Variants in AKAP9 observed in about 807,000 individuals in gnomAD.
AKAP9 encodes A-kinase anchor protein 9.
Under a neutral mutation model 488.5 loss-of-function variants are expected in AKAP9, and 311 were observed. The observed-to-expected ratio is 0.64, with a 90% CI of 0.58 to 0.70. The LOEUF (loss-of-function observed/expected upper bound fraction) is 0.70. Ranked by LOEUF, AKAP9 falls within the 30% of genes least tolerant of loss-of-function variation. The pLI, the probability that AKAP9 is intolerant of heterozygous loss-of-function variation, is 0.00. For synonymous variants in AKAP9, 1,462 were observed against 1,483.5 expected, an observed-to-expected ratio of 0.99 and a Z score of 0.33; for missense variants, 4,215 against 4,374.5, an observed-to-expected ratio of 0.96 and a Z score of 1.03.
intron 3 of AKAP9, among the ~76,000 whole-genome samples, chr7:91,987,065 T>C (rs1362145271): frequency 6.6e-6 from 1 of 152,082 alleles, no homozygotes; most frequent in Non-Finnish European, 1.5e-5. Flanking sequence ...AAAACTAAAT[T>C]GATGAGCTAT....
Position 92,058,545 on chromosome 7 carries a change from G to A in AKAP9, c.5602-2715G>A, listed in dbSNP as rs565835057. On this transcript the variant is annotated intron_variant, in intron 22 of 49. Transcript: ENST00000356239. Reference sequence around the variant, plus strand: ...ACTCATTCATTCTAGATGTATTTAAGGGCTAAATTTGGTCTGAGTTCCAAC... The same window carrying A: ...ACTCATTCATTCTAGATGTATTTAAAGGCTAAATTTGGTCTGAGTTCCAAC... 85 of 245,746 alleles carry A rather than the reference G, an allele frequency of 3.5e-4. 1 individual carries two copies. The South Asian group carries it at 4.0e-3, about 12-fold the overall frequency. The allele number at this position is 245,746 out of a possible 1,614,324, so 15.2% of individuals were successfully genotyped here.
chr7:92,033,446 T>C (rs925860087), intron 16 of AKAP9, among the ~76,000 whole-genome samples: 195 of 144,428 alleles, frequency 1.4e-3, no homozygotes, highest in African/African-American at 4.5e-3. Context: ...TCTTTTCTTT[T>C]TTTTTTTTTT....
chr7:92,082,021 T>A (rs1813669404), intron 31 of AKAP9, among the ~76,000 whole-genome samples: 1 of 152,118 alleles, frequency 6.6e-6, no homozygotes, highest in African/African-American at 2.4e-5. Context: ...GGCTGAAGTT[T>A]AGTGGCGCAG....
At position 92,074,718 on chromosome 7, in the gene AKAP9, C is replaced by T. The variant is rs181769393; in HGVS notation, c.6613-2137C>T. Among the ~76,000 whole-genome samples, 34 of 152,204 alleles carry T rather than the reference C, an allele frequency of 2.2e-4. No homozygotes were observed. In the East Asian group the frequency reaches 5.6e-3, roughly 25 times the overall value. ...TGAGTTCATGTCCTTTGCAGGGACA[C>T]GGATGAAGCTGGAAACCATCATTCT... On this transcript the variant is annotated intron_variant, in intron 28 of 49. Transcript: ENST00000356239.
Position 92,095,091 on chromosome 7 carries a change from A to T in AKAP9, c.9647A>T (p.Lys3216Ile). Residue 3216 changes from lysine (K) to isoleucine (I), a missense_variant, in exon 40 of 50, where the codon AAA becomes ATA. By Grantham distance (102) the Lys-to-Ile change is moderately radical. Transcript: ENST00000356239. The part of the protein sequence containing the change: ...LNDTLASEQK[K>I]SRELQWALEK... ...GACACATTAGCAAGTGAACAGAAAA[A>T]ATCAAGAGAGCTCCAGTGGGCTTTG... 6.2e-7 allele frequency: 1 copy of T among 1,614,204 alleles called. No individual in the cohort carries two copies. The highest frequency in any genetic ancestry group is 8.5e-7 in the Non-Finnish European group (1 of 1,180,032).
At chr7:91,976,324 T>A (rs1562923045) in intron 2 of AKAP9, among the ~76,000 whole-genome samples, 2 of 152,158 alleles carry the variant, frequency 1.3e-5, no homozygotes, top group Non-Finnish European at 2.9e-5. Context: ...CAGACTTCAG[T>A]GATCCTCCCA....
rs377762489 is a variant in AKAP9, at chr7:91,950,873, C to G, written c.48+9726C>G. 1.1e-4 allele frequency among the ~76,000 whole-genome samples: 17 copies of G among 152,202 alleles called. No individual in the cohort carries two copies. The South Asian group carries it at 3.3e-3, about 30-fold the overall frequency. ...GTTTTGGCTGAAAGTTACAGAAACTCTTTTCTATTCATATACAACTTAAAA... is the reference window on the plus strand; with the variant it reads ...GTTTTGGCTGAAAGTTACAGAAACTGTTTTCTATTCATATACAACTTAAAA... On this transcript the variant is annotated intron_variant, in intron 1 of 49. Transcript: ENST00000356239.
intron 3 of AKAP9, 27 bp from the exon 4 acceptor site, chr7:91,992,131 A>G: frequency 6.4e-7 from 1 of 1,555,010 alleles, no homozygotes; most frequent in Non-Finnish European, 8.9e-7. Flanking sequence ...TAAGATCATA[A>G]TATATCAGGA....
Position 92,016,115 on chromosome 7 carries a change from TTTG to T in AKAP9, c.3613-8_3613-6del, listed in dbSNP as rs1801477848. On this transcript the variant is annotated splice_polypyrimidine_tract_variant and intron_variant, in intron 10 of 49. Transcript: ENST00000356239. ...ATTTAAATTCCTTAAAATACACAATTTTGTTGTTAACAGACTTTATGCAGTGTC... is the reference window on the plus strand; with the variant it reads ...ATTTAAATTCCTTAAAATACACAATTTTGTTAACAGACTTTATGCAGTGTC... The T allele has an allele frequency of 6.3e-7, 1 of 1,592,272 alleles. No individual in the cohort carries two copies.
chr7:91,969,996 ACTGT>A (rs1419819455), intron 1 of AKAP9, among the ~76,000 whole-genome samples: 2 of 151,394 alleles, frequency 1.3e-5, no homozygotes, highest in African/African-American at 2.4e-5. Context: ...TTCCTTTCTT[ACTGT>A]CTTTCTTTGA....
At chr7:91,979,129 C>T (rs1267174477) in intron 2 of AKAP9, among the ~76,000 whole-genome samples, 2 of 151,828 alleles carry the variant, frequency 1.3e-5, no homozygotes, top group African/African-American at 2.4e-5. Flanking sequence ...TAAAGAGGTA[C>T]GGTAGTTCCT....
chr7:92,015,950 C>T (rs976114118), intron 10 of AKAP9, among the ~76,000 whole-genome samples, 179 bp from the exon 11 acceptor site: 8 of 151,936 alleles, frequency 5.3e-5, no homozygotes, highest in Admixed American at 4.6e-4. Flanking sequence ...GATTTCATGC[C>T]AGAGAGATAG....
intron 22 of AKAP9, among the ~76,000 whole-genome samples, chr7:92,053,275 A>G (rs1808289471): frequency 6.6e-6 from 1 of 152,170 alleles, no homozygotes; most frequent in Admixed American, 6.6e-5. Flanking sequence ...CTTAACCGCT[A>G]TTAAGTACTT....
intron 24 of AKAP9, among the ~76,000 whole-genome samples, chr7:92,064,316 A>G (rs1810408287): frequency 6.6e-6 from 1 of 151,998 alleles, no homozygotes; most frequent in Admixed American, 6.6e-5. Flanking sequence ...TTGGCATACT[A>G]GTTAAAGACC....
In AKAP9 at chr7:92,052,978, A is replaced by G. The variant is rs779915544; in HGVS notation, c.5601+20A>G. The G allele has an allele frequency of 3.2e-6, 5 of 1,570,342 alleles. No individual in the cohort carries two copies. Among genetic ancestry groups the G allele is most frequent in the Non-Finnish European group, 4.4e-6 (5 of 1,140,968 alleles). ...AGTCAGGTAACCTCCTTATATTGCTAATATGTACTGAGTTTGAAGTACAAT... is the reference window on the plus strand; with the variant it reads ...AGTCAGGTAACCTCCTTATATTGCTGATATGTACTGAGTTTGAAGTACAAT... On this transcript the variant is annotated intron_variant, in intron 22 of 49. Transcript: ENST00000356239.
At position 92,085,407 on chromosome 7, in the gene AKAP9, T is replaced by C. The variant is rs2130875206; in HGVS notation, c.8833-88T>C. 2.3e-6 allele frequency: 3 copies of C among 1,293,876 alleles called. No individual in the cohort carries two copies. In the East Asian group the frequency reaches 7.0e-5, roughly 30 times the overall value. 80.1% of individuals were successfully genotyped at this position (1,293,876 alleles called of 1,614,324 possible). On this transcript the variant is annotated intron_variant, in intron 35 of 49. Coordinates refer to ENST00000356239, the MANE Select transcript of AKAP9 (RefSeq NM_005751.5). ...GGAGTTTTCTCTCTGCAAGCTATCT[T>C]GCTTAAAATTTATTTCTGTTTGTAA...
chr7:92,052,641 C>G, intron 21 of AKAP9, 85 bp from the exon 22 acceptor site: 1 of 923,670 alleles, frequency 1.1e-6, no homozygotes, highest in Non-Finnish European at 1.6e-6. Context: ...TCCATGATTT[C>G]CAGTTTAGTT....
chr7:91,944,234 T>C (rs1259126000), intron 1 of AKAP9, among the ~76,000 whole-genome samples: 1 of 152,030 alleles, frequency 6.6e-6, no homozygotes, highest in Non-Finnish European at 1.5e-5. Context: ...TATATGTACA[T>C]ATTTAAATAT....
chr7:92,089,535 T>C lies in AKAP9; in HGVS notation c.9358+6T>C, dbSNP rs1399507661. The C allele has an allele frequency of 6.2e-7, 1 of 1,612,920 alleles. No homozygotes were observed. Among genetic ancestry groups the C allele is most frequent in the Non-Finnish European group, 8.5e-7 (1 of 1,179,306 alleles). ...GAGTGAGAAACCAAGCCAAGGTATG[T>C]TGTATGACAAGCTCATATGGTTACA... is the stretch of plus-strand genomic sequence containing the variant. On this transcript the variant is annotated splice_donor_region_variant and intron_variant, in intron 38 of 49. Transcript: ENST00000356239.
Sources: allele counts gnomAD v4.1 joint callset (sites outside exome capture counted in the v4.1 genomes callset), GRCh38; gene constraint gnomAD v4.1.1; transcripts MANE v1.5; gene names NCBI Gene and HGNC (gene_info 2026-07-23, HGNC 2026-07-21).